MTSS1: variants seen among roughly 807,000 people sequenced by gnomAD.
MTSS1 encodes protein MTSS 1.
A neutral mutation model predicts 79.0 loss-of-function variants in MTSS1; 18 were observed. The observed-to-expected ratio is 0.23, with a 90% CI of 0.16 to 0.34. The LOEUF (loss-of-function observed/expected upper bound fraction) is 0.34. MTSS1 is among the 10% of genes least tolerant of loss of function. The pLI, the probability that MTSS1 is intolerant of heterozygous loss-of-function variation, is 1.00. For missense variants in MTSS1, 815 were observed against 986.2 expected (o/e 0.83, Z 2.33); for synonymous variants, 341 against 368.6 (o/e 0.93, Z 0.86).
At chr8:124,671,138 C>T (rs1338430246) in intron 3 of MTSS1, among the ~76,000 whole-genome samples, 1 of 151,998 alleles carries the variant, frequency 6.6e-6, no homozygotes, top group Non-Finnish European at 1.5e-5. Context: ...AAACTGACCT[C>T]CCTTCCACAT....
chr8:124,557,036 CCT>C (rs1049903272), intron 11 of MTSS1, among the ~76,000 whole-genome samples: 1 of 152,192 alleles, frequency 6.6e-6, no homozygotes, highest in Non-Finnish European at 1.5e-5. Flanking sequence ...TTAGGGTCCT[CCT>C]CTCAAAAGAG....
intron 4 of MTSS1, 81 bp downstream of exon 4, chr8:124,591,070 T>C (rs1015676373): frequency 4.3e-6 from 5 of 1,150,290 alleles, no homozygotes; most frequent in Non-Finnish European, 6.6e-6. Flanking sequence ...GGGATTTAAA[T>C]GCTGTGTGCC....
chr8:124,647,768 T>C (rs1819259269), intron 3 of MTSS1, among the ~76,000 whole-genome samples: 1 of 152,196 alleles, frequency 6.6e-6, no homozygotes, highest in Admixed American at 6.5e-5. Context: ...TGAATGACTA[T>C]ATAGACGTAT....
intron 3 of MTSS1, among the ~76,000 whole-genome samples, chr8:124,594,066 T>C (rs1286089239): frequency 6.6e-6 from 1 of 152,222 alleles, no homozygotes; most frequent in Non-Finnish European, 1.5e-5. Context: ...TCATGGATAA[T>C]TCATGCCTCA....
At chr8:124,631,230 G>A (rs1035343529) in intron 3 of MTSS1, among the ~76,000 whole-genome samples, 21 of 152,166 alleles carry the variant, frequency 1.4e-4, no homozygotes, top group Non-Finnish European at 2.6e-4. Flanking sequence ...TTCCAGGCAC[G>A]CTGCCACAGC....
At chr8:124,616,053 G>A (rs900246256) in intron 3 of MTSS1, among the ~76,000 whole-genome samples, 6 of 152,190 alleles carry the variant, frequency 3.9e-5, no homozygotes, top group South Asian at 2.1e-4. Context: ...AGATCCACAC[G>A]GCTCTGGGCC....
intron 3 of MTSS1, among the ~76,000 whole-genome samples, chr8:124,629,505 CAAAAAAA>C (rs982816199): frequency 8.0e-5 from 5 of 62,216 alleles, no homozygotes; most frequent in Non-Finnish European, 7.1e-5. Context: ...GACTCCGTCT[CAAAAAAA>C]AAAAAAAAAA....
intron 3 of MTSS1, among the ~76,000 whole-genome samples, chr8:124,636,125 T>A (rs1450163335): frequency 6.6e-6 from 1 of 152,128 alleles, no homozygotes; most frequent in Non-Finnish European, 1.5e-5. Flanking sequence ...GAACCTCAGC[T>A]ACTAACTTTC....
intron 1 of MTSS1, among the ~76,000 whole-genome samples, chr8:124,725,665 A>G (rs1833594687): frequency 6.6e-6 from 1 of 152,240 alleles, no homozygotes; most frequent in South Asian, 2.1e-4. Context: ...GATTTCAGAT[A>G]TTAAAAACTG....
intron 3 of MTSS1, among the ~76,000 whole-genome samples, chr8:124,686,202 T>C (rs1346419032): frequency 6.6e-6 from 1 of 152,218 alleles, no homozygotes; most frequent in African/African-American, 2.4e-5. Context: ...AGAGGGGGCC[T>C]GCAGCCGCCT....
intron 3 of MTSS1, among the ~76,000 whole-genome samples, chr8:124,630,293 C>T (rs1815662931): frequency 6.6e-6 from 1 of 152,028 alleles, no homozygotes; most frequent in Non-Finnish European, 1.5e-5. Context: ...GGCAAGCCAT[C>T]CATCAACAGA....
intron 3 of MTSS1, among the ~76,000 whole-genome samples, chr8:124,631,940 G>A (rs904188147): frequency 1.3e-5 from 2 of 152,180 alleles, no homozygotes; most frequent in African/African-American, 4.8e-5. Context: ...GATGGTGGTT[G>A]TGTCATTTGG....
chr8:124,622,593 G>A (rs974004416), intron 3 of MTSS1, among the ~76,000 whole-genome samples: 26 of 151,500 alleles, frequency 1.7e-4, no homozygotes, highest in African/African-American at 5.3e-4. Context: ...TCAGGAGTTC[G>A]AGACCAGCCT....
rs547872042 is a variant in MTSS1 at position 124,557,775 on chromosome 8, A to G, written c.1136T>C (p.Leu379Pro). Reference protein sequence around the residue: ...FPHCLPASRLLPRVTSVHLPD... With the variant: ...FPHCLPASRLPPRVTSVHLPD... ...AAGGTGGACAGAGGTGACCCGAGGGAGCAGGCGGGAGGCAGGCAGGCAATG... is the reference window on the plus strand; with the variant it reads ...AAGGTGGACAGAGGTGACCCGAGGGGGCAGGCGGGAGGCAGGCAGGCAATG... The change falls in exon 11 of 14, where the codon CTC becomes CCC. Residue 379 changes from leucine to proline, a missense_variant. Transcript: ENST00000518547. 6.2e-7 allele frequency: 1 copy of G among 1,606,252 alleles called. No homozygotes were observed. The highest frequency in any genetic ancestry group is 2.2e-5 in the East Asian group (1 of 44,564).
intron 1 of MTSS1, among the ~76,000 whole-genome samples, chr8:124,724,833 G>A (rs773830625): frequency 1.3e-5 from 2 of 152,080 alleles, no homozygotes; most frequent in African/African-American, 2.4e-5. Flanking sequence ...AGTCAAGATC[G>A]TCTACACATC....
At chr8:124,604,723 A>G (rs1834502790) in intron 3 of MTSS1, among the ~76,000 whole-genome samples, 1 of 152,188 alleles carries the variant, frequency 6.6e-6, no homozygotes, top group Non-Finnish European at 1.5e-5. Flanking sequence ...GGTCAGCATC[A>G]CATTTTTGGA....
intron 1 of MTSS1, among the ~76,000 whole-genome samples, chr8:124,713,591 T>A (rs1332940721): frequency 6.6e-6 from 1 of 151,938 alleles, no homozygotes; most frequent in Non-Finnish European, 1.5e-5. Flanking sequence ...GTCTGGCTAA[T>A]TTTTGTATTT....
chr8:124,612,574 A>ATG (rs58367314), intron 3 of MTSS1, among the ~76,000 whole-genome samples: 7,967 of 99,428 alleles, frequency 0.08, 372 homozygotes, highest in Middle Eastern at 0.11. Flanking sequence ...CAAGTTTAAA[A>ATG]TGTGTGTGTG....
At chr8:124,580,559 T>G in intron 6 of MTSS1, 2 of 1,535,782 alleles carry the variant, frequency 1.3e-6, no homozygotes, top group Non-Finnish European at 1.7e-6. Context: ...ACCAAGAGTG[T>G]CCACTGGCGG....
Sources: allele counts gnomAD v4.1 joint callset (sites outside exome capture counted in the v4.1 genomes callset), GRCh38; gene constraint gnomAD v4.1.1; transcripts MANE v1.5; gene names NCBI Gene and HGNC (gene_info 2026-07-23, HGNC 2026-07-21).